The following KCNJ9 variants were observed in gnomAD, a reference collection of about 807,000 sequenced individuals.
KCNJ9 encodes potassium inwardly rectifying channel subfamily J member 9.
In KCNJ9, 18 loss-of-function variants were observed where a neutral mutation model predicts 27.9. That is an observed-to-expected ratio of 0.65 (90% CI 0.45 to 0.96). The LOEUF is 0.96. Among genes scored for constraint, KCNJ9 ranks in the 40% least tolerant of loss-of-function variants. KCNJ9 has a pLI of 0.00. For missense variants in KCNJ9, 324 were observed against 557.5 expected, an observed-to-expected ratio of 0.58 and a Z score of 4.22; for synonymous variants, 229 against 248.2, an observed-to-expected ratio of 0.92 and a Z score of 0.73.
In KCNJ9 at chr1:160,084,150, G is replaced by A. The variant is rs1377945772; in HGVS notation, c.120G>A (p.Glu40=). 6.3e-7 allele frequency: 1 copy of A among 1,587,698 alleles called. No individual in the cohort carries two copies. The highest frequency in any genetic ancestry group is 8.6e-7 in the Non-Finnish European group (1 of 1,166,748). ...RCNVQQGNVR[E]TYRYLTDLFT... is the part of the protein sequence containing the mutation. ...ACGTGCAGCAGGGCAACGTGCGCGA[G>A]ACATACCGCTACCTGACGGACCTGT... Residue 40 remains glutamate (E), a synonymous_variant, in exon 2 of 3, where the codon GAG becomes GAA. Transcript: ENST00000368088.
rs1649870282 is a variant in KCNJ9 at position 160,090,049 on chromosome 1, G to A, written c.*2232G>A. On this transcript the variant is annotated 3_prime_UTR_variant, in exon 3 of 3. Transcript: ENST00000368088. ...AGACAGCTGGGGTTCACTCAGAGAG[G>A]ACCCAAGTCCCAGTCCCTTCCTTTC... The A allele has an allele frequency of 6.6e-6, 1 of 152,230 alleles. No homozygotes were observed. The highest frequency in any genetic ancestry group is 1.5e-5 in the Non-Finnish European group (1 of 68,062). 9.4% of individuals were successfully genotyped at this position (152,230 alleles called of 1,614,324 possible). A position where few individuals can be genotyped will look rare whatever the true frequency, so the allele number is the denominator to read the frequency against.
Position 160,084,498 on chromosome 1 carries a change from C to T in KCNJ9, c.468C>T (p.Cys156=), listed in dbSNP as rs1266601868. ...GSMVNAFMVG[C]MFVKISQPNK... ...TGGTGAACGCCTTCATGGTGGGCTGCATGTTCGTCAAGATCTCGCAGCCCA... is the reference window on the plus strand; with the variant it reads ...TGGTGAACGCCTTCATGGTGGGCTGTATGTTCGTCAAGATCTCGCAGCCCA... Residue 156 remains cysteine (C), a synonymous_variant, in exon 2 of 3, where the codon TGC becomes TGT. Transcript: ENST00000368088. 3 of 1,613,360 alleles carry T rather than the reference C, an allele frequency of 1.9e-6. No individual in the cohort carries two copies. In the African/African-American group the frequency reaches 4.0e-5, roughly 22 times the overall value.
chr1:160,090,164 G>A lies in KCNJ9; in HGVS notation c.*2347G>A, dbSNP rs1649872384. ...GATTCCTGAAGCCTGGCATTGACTGGTCCCCTAAGAACAGATGTTGGGATG... is the reference window on the plus strand; with the variant it reads ...GATTCCTGAAGCCTGGCATTGACTGATCCCCTAAGAACAGATGTTGGGATG... On this transcript the variant is annotated 3_prime_UTR_variant, in exon 3 of 3. Coordinates refer to ENST00000368088, the MANE Select transcript of KCNJ9 (RefSeq NM_004983.3). The A allele has an allele frequency of 6.6e-6, 1 of 152,202 alleles. No homozygotes were observed. The highest frequency in any genetic ancestry group is 2.1e-4 in the South Asian group (1 of 4,824). The allele number at this position is 152,202 out of a possible 1,614,324, so 9.4% of individuals were successfully genotyped here.
chr1:160,082,002 T>C (rs956028966), intron 1 of KCNJ9, among the ~76,000 whole-genome samples: 8 of 152,196 alleles, frequency 5.3e-5, no homozygotes, highest in African/African-American at 1.9e-4. Flanking sequence ...TTCACACTTT[T>C]CCTTCCCCTG....
Position 160,088,031 on chromosome 1 carries a change from G to A in KCNJ9, c.*214G>A, listed in dbSNP as rs1026836051. On this transcript the variant is annotated 3_prime_UTR_variant, in exon 3 of 3. Coordinates refer to ENST00000368088, the MANE Select transcript of KCNJ9 (RefSeq NM_004983.3). ...TTTCAGGGAAATGGAGGGTGGGGCC[G>A]GGTGAAAATGCCAGTCTGTGTTTGA... is the stretch of plus-strand genomic sequence containing the variant. 14 of 433,992 alleles carry A rather than the reference G, an allele frequency of 3.2e-5. No individual in the cohort carries two copies. Among genetic ancestry groups the A allele is most frequent in the Non-Finnish European group, 4.8e-5 (12 of 251,316 alleles). The allele number at this position is 433,992 out of a possible 1,614,324, so 26.9% of individuals were successfully genotyped here.
chr1:160,082,252 C>G (rs58527803), intron 1 of KCNJ9, among the ~76,000 whole-genome samples: 9,882 of 152,236 alleles, frequency 0.065, 484 homozygotes, highest in African/African-American at 0.13. Flanking sequence ...ATAATGGGAG[C>G]AGGGTCGTTT....
chr1:160,087,562 T>G lies in KCNJ9; in HGVS notation c.927T>G (p.Thr309=). ...GCCACCGCTTCACGTCAGTGCTGAC[T>G]CTGGAGGACGGCTTCTACGAAGTGG... ...LWGHRFTSVL[T]LEDGFYEVDY... The change falls in exon 3 of 3, where the codon ACT becomes ACG. Residue 309 remains threonine (T), a synonymous_variant. Transcript: ENST00000368088. 6.2e-7 allele frequency: 1 copy of G among 1,613,920 alleles called. No individual in the cohort carries two copies. The highest frequency in any genetic ancestry group is 8.5e-7 in the Non-Finnish European group (1 of 1,179,886).
chr1:160,085,470 G>T (rs1649760474), intron 2 of KCNJ9, among the ~76,000 whole-genome samples: 1 of 152,214 alleles, frequency 6.6e-6, no homozygotes, highest in Non-Finnish European at 1.5e-5. Context: ...TGACGGTGAA[G>T]GTTTTCCATT....
Position 160,084,584 on chromosome 1 carries a change from G to A in KCNJ9, c.554G>A (p.Arg185His), listed in dbSNP as rs528547664. ...SHAVVSLRDG[R>H]LCLMFRVGDL... ...GCCGTGGTGTCGCTGCGCGACGGGC[G>A]CCTCTGCCTCATGTTCCGCGTGGGC... is the stretch of plus-strand genomic sequence containing the variant. The change falls in exon 2 of 3, where the codon CGC (arginine) becomes CAC (histidine). Residue 185 changes from arginine to histidine, a missense_variant. Physicochemically the swap from Arg to His is conservative, Grantham distance 29. Coordinates refer to ENST00000368088, the MANE Select transcript of KCNJ9 (RefSeq NM_004983.3). 1 of 1,610,232 alleles carries A rather than the reference G, an allele frequency of 6.2e-7. No individual in the cohort carries two copies. The highest frequency in any genetic ancestry group is 1.7e-5 in the Admixed American group (1 of 59,716).
In KCNJ9 at chr1:160,084,828, G is replaced by A. The variant is rs1290796758; in HGVS notation, c.798G>A (p.Glu266=). 1.3e-6 allele frequency: 2 copies of A among 1,547,426 alleles called. No individual in the cohort carries two copies. Among genetic ancestry groups the A allele is most frequent in the Admixed American group, 2.0e-5 (1 of 51,008 alleles). ...PFWEASRRAL[E]RDDFEIVVIL... ...GGGAGGCGTCGCGCCGTGCCCTCGA[G>A]AGGGACGACTTCGAGATCGTCGTTA... Residue 266 remains glutamate, a synonymous_variant, in exon 2 of 3, where the codon GAG becomes GAA. Coordinates refer to ENST00000368088, the MANE Select transcript of KCNJ9 (RefSeq NM_004983.3).
Position 160,087,659 on chromosome 1 carries a change from G to C in KCNJ9, c.1024G>C (p.Ala342Pro), listed in dbSNP as rs1431605284. 1 of 1,534,926 alleles carries C rather than the reference G, an allele frequency of 6.5e-7. No homozygotes were observed. The highest frequency in any genetic ancestry group is 2.7e-5 in the East Asian group (1 of 37,272). ...CAGTGCTCGAGAGCTGGCAGAGGCT[G>C]CCGCCCGCCTTGATGCCCATCTCTA... ...SCSARELAEAAARLDAHLYWS... is the reference protein window; with the variant it reads ...SCSARELAEAPARLDAHLYWS... Residue 342 changes from alanine (A) to proline (P), a missense_variant, in exon 3 of 3, where the codon GCC becomes CCC. This residue lies in a region of KCNJ9 where 241 missense variants were observed against 481.7 expected (regional missense o/e 0.50). Coordinates refer to ENST00000368088, the MANE Select transcript of KCNJ9 (RefSeq NM_004983.3).
Position 160,084,036 on chromosome 1 carries a change from G to T in KCNJ9, c.6G>T (p.Ala2=), listed in dbSNP as rs1056690968. The change falls in exon 2 of 3, where the codon GCG becomes GCT. Residue 2 remains alanine (A), a synonymous_variant. Coordinates refer to ENST00000368088, the MANE Select transcript of KCNJ9 (RefSeq NM_004983.3). M[A]QENAAFSPGQ... is the part of the protein sequence containing the mutation. Reference sequence around the variant, plus strand: ...CTCGCCCTGACGCGGCCGCCATGGCGCAGGAGAACGCGGCCTTCTCGCCCG... The same window carrying T: ...CTCGCCCTGACGCGGCCGCCATGGCTCAGGAGAACGCGGCCTTCTCGCCCG... 4 of 1,499,450 alleles carry T rather than the reference G, an allele frequency of 2.7e-6. No individual in the cohort carries two copies. Among genetic ancestry groups the T allele is most frequent in the South Asian group, 2.5e-5 (2 of 79,414 alleles). The allele number at this position is 1,499,450 out of a possible 1,614,324, so 92.9% of individuals were successfully genotyped here.
In KCNJ9 at chr1:160,084,457, G is replaced by T; in HGVS notation, c.427G>T (p.Ala143Ser). The stretch of plus-strand genomic sequence containing the variant: ...GGGCATCGTGCTGCTGCTGCTGCAG[G>T]CCATCCTGGGCTCCATGGTGAACGC... ...PEGIVLLLLQ[A>S]ILGSMVNAFM... The change falls in exon 2 of 3, where the codon GCC becomes TCC. Residue 143 changes from alanine to serine, a missense_variant. Coordinates refer to ENST00000368088, the MANE Select transcript of KCNJ9 (RefSeq NM_004983.3). 1 of 1,613,708 alleles carries T rather than the reference G, an allele frequency of 6.2e-7. No individual in the cohort carries two copies. Among genetic ancestry groups the T allele is most frequent in the Non-Finnish European group, 8.5e-7 (1 of 1,179,916 alleles).
At chr1:160,085,851 C>T (rs1489801991) in intron 2 of KCNJ9, among the ~76,000 whole-genome samples, 1 of 152,220 alleles carries the variant, frequency 6.6e-6, no homozygotes, top group Non-Finnish European at 1.5e-5. Context: ...CTGCCGGCTT[C>T]GCTGACAAGC....
intron 1 of KCNJ9, among the ~76,000 whole-genome samples, chr1:160,083,040 C>A (rs940420273): frequency 1.2e-4 from 19 of 152,130 alleles, no homozygotes; most frequent in South Asian, 2.1e-4. Context: ...TAGTGCTTCA[C>A]CTGATCTGAT....
Position 160,084,514 on chromosome 1 carries a change from T to G in KCNJ9, c.484T>G (p.Ser162Ala), listed in dbSNP as rs1377939521. The G allele has an allele frequency of 6.2e-7, 1 of 1,613,236 alleles. No individual in the cohort carries two copies. The highest frequency in any genetic ancestry group is 8.5e-7 in the Non-Finnish European group (1 of 1,179,790). Residue 162 changes from serine to alanine, a missense_variant, in exon 2 of 3, where the codon TCG becomes GCG. Coordinates refer to ENST00000368088, the MANE Select transcript of KCNJ9 (RefSeq NM_004983.3). Reference protein sequence around the residue: ...FMVGCMFVKISQPNKRAATLV... With the variant: ...FMVGCMFVKIAQPNKRAATLV... ...GGTGGGCTGCATGTTCGTCAAGATC[T>G]CGCAGCCCAACAAGCGCGCAGCCAC...
Position 160,090,449 on chromosome 1 carries a change from C to T in KCNJ9, c.*2632C>T, listed in dbSNP as rs1649879964. On this transcript the variant is annotated 3_prime_UTR_variant, in exon 3 of 3. Transcript: ENST00000368088. ...GGAGACCTAGGTCCTACTCCTGACA[C>T]TTGCTAATTAGCTCTATGACTCTGG... 1 of 152,446 alleles carries T rather than the reference C, an allele frequency of 6.6e-6. No homozygotes were observed. Among genetic ancestry groups the T allele is most frequent in the Non-Finnish European group, 1.5e-5 (1 of 68,060 alleles). The allele number at this position is 152,446 out of a possible 1,614,324, so 9.4% of individuals were successfully genotyped here.
intron 2 of KCNJ9, among the ~76,000 whole-genome samples, chr1:160,086,269 C>A (rs1329621282): frequency 6.6e-6 from 1 of 152,234 alleles, no homozygotes; most frequent in Non-Finnish European, 1.5e-5. Context: ...GTTCACTCTT[C>A]TGTTTCCCCT....
At chr1:160,083,693 G>A (rs941995423) in intron 1 of KCNJ9, among the ~76,000 whole-genome samples, 1 of 152,168 alleles carries the variant, frequency 6.6e-6, no homozygotes, top group Non-Finnish European at 1.5e-5. Context: ...GAAAATCATC[G>A]TGGAACTTGC....
Sources: allele counts gnomAD v4.1 joint callset (sites outside exome capture counted in the v4.1 genomes callset), GRCh38; gene constraint gnomAD v4.1.1; regional missense constraint gnomAD v4.1.1; transcripts MANE v1.5; gene names NCBI Gene and HGNC (gene_info 2026-07-23, HGNC 2026-07-21).